The following CSNK1G3 variants were observed in gnomAD, a reference collection of about 807,000 sequenced individuals.
CSNK1G3 encodes the protein casein kinase 1 gamma 3, also known as casein kinase I isoform gamma-3.
A neutral mutation model predicts 64.3 loss-of-function variants in CSNK1G3; 23 were observed. That is an observed-to-expected ratio of 0.36 (90% CI 0.26 to 0.51). CSNK1G3 has a LOEUF of 0.51. Ranked by LOEUF, CSNK1G3 falls within the 20% of genes least tolerant of loss-of-function variation. CSNK1G3 has a pLI of 0.96. For missense variants in CSNK1G3, 357 were observed against 510.5 expected (o/e 0.70, Z 2.90); for synonymous variants, 158 against 162.2 (o/e 0.97, Z 0.20).
At position 123,594,439 on chromosome 5, in the gene CSNK1G3, GA is replaced by G. The variant is rs569391587; in HGVS notation, c.1086+3033del. ...TTCATATATGTAGGATTATCACTTAGAAAAAAAATTGTTTTGTCATATTCTC... is the reference window on the plus strand; with the variant it reads ...TTCATATATGTAGGATTATCACTTAGAAAAAAATTGTTTTGTCATATTCTC... On this transcript the variant is annotated intron_variant, in intron 10 of 12. Coordinates refer to ENST00000345990, the Ensembl canonical transcript of CSNK1G3. Among the ~76,000 whole-genome samples the G allele has an allele frequency of 5.6e-3, 846 of 152,036 alleles. 8 individuals are homozygous for G. Among genetic ancestry groups the G allele is most frequent in the African/African-American group, 0.02 (815 of 41,518 alleles).
rs192496522 is a variant in CSNK1G3, at chr5:123,606,755, T to C, written c.1217+1393T>C. On this transcript the variant is annotated intron_variant, in intron 12 of 12. Coordinates refer to ENST00000345990, the Ensembl canonical transcript of CSNK1G3. ...AACTGGCTGTTCTGTGTTTACATCC[T>C]CCTGGAGACTTGCTTTTAATAAAAT... 2.6e-5 allele frequency among the ~76,000 whole-genome samples: 4 copies of C among 152,272 alleles called. No individual in the cohort carries two copies. In the East Asian group the frequency reaches 7.7e-4, roughly 29 times the overall value.
chr5:123,533,118 T>G (rs552215074), intron 1 of CSNK1G3, among the ~76,000 whole-genome samples: 1 of 152,086 alleles, frequency 6.6e-6, no homozygotes, highest in South Asian at 2.1e-4. Context: ...CATTGACACT[T>G]TAAATAATGT....
chr5:123,594,717 T>C (rs761419588), intron 10 of CSNK1G3, among the ~76,000 whole-genome samples: 3 of 152,182 alleles, frequency 2.0e-5, no homozygotes, highest in Non-Finnish European at 4.4e-5. Context: ...AGTTCTTTCT[T>C]GGTCATGGCA....
At chr5:123,578,283 A>G (rs1295759498) in intron 6 of CSNK1G3, among the ~76,000 whole-genome samples, 2 of 151,794 alleles carry the variant, frequency 1.3e-5, no homozygotes, top group African/African-American at 2.4e-5. Context: ...TCCATCAGTA[A>G]TGAATGAGAA....
exon 1 of CSNK1G3, chr5:123,512,268 A>T (rs1355913528): frequency 6.6e-6 from 1 of 152,444 alleles, no homozygotes; most frequent in African/African-American, 2.4e-5. Context: ...CTGTGCATTC[A>T]TTCCGGGCTG....
rs112781913 is a variant in CSNK1G3, at chr5:123,535,288, C to T, written c.-247-10129C>T. 8.1e-3 allele frequency among the ~76,000 whole-genome samples: 1,240 copies of T among 152,178 alleles called. 7 individuals carry two copies. The highest frequency in any genetic ancestry group is 0.068 in the Middle Eastern group (20 of 294). ...ATTTATGAAGACTAAACTTGGATTT[C>T]TTATCATTGTCGCATGTTATAAAAT... On this transcript the variant is annotated intron_variant, in intron 1 of 12. Transcript: ENST00000345990.
chr5:123,531,984 A>C (rs1057275829), intron 1 of CSNK1G3, among the ~76,000 whole-genome samples: 13 of 151,830 alleles, frequency 8.6e-5, no homozygotes, highest in Non-Finnish European at 7.4e-5. Context: ...GTAATTTTTG[A>C]ATCTAAAGCT....
At chr5:123,531,966 C>T (rs1042785761) in intron 1 of CSNK1G3, among the ~76,000 whole-genome samples, 20 of 151,768 alleles carry the variant, frequency 1.3e-4, no homozygotes, top group African/African-American at 4.3e-4. Flanking sequence ...TTTTTCCATT[C>T]TCTTCCTGTA....
At chr5:123,563,038 T>A (rs1291221994) in intron 4 of CSNK1G3, among the ~76,000 whole-genome samples, 1 of 151,976 alleles carries the variant, frequency 6.6e-6, no homozygotes, top group Non-Finnish European at 1.5e-5. Context: ...TTGACATGAG[T>A]TTAAATAGGC....
intron 1 of CSNK1G3, among the ~76,000 whole-genome samples, chr5:123,519,322 G>A (rs1410363656): frequency 6.6e-6 from 1 of 152,132 alleles, no homozygotes; most frequent in African/African-American, 2.4e-5. Flanking sequence ...CCAAAGTGCT[G>A]GATTACAGGC....
chr5:123,568,418 C>T (rs891854042), intron 4 of CSNK1G3, among the ~76,000 whole-genome samples: 6 of 152,172 alleles, frequency 3.9e-5, no homozygotes, highest in Middle Eastern at 3.4e-3. Context: ...CATCACAATC[C>T]GATTGAGAAA....
chr5:123,560,122 T>A (rs1309157716), intron 4 of CSNK1G3, among the ~76,000 whole-genome samples: 2 of 151,948 alleles, frequency 1.3e-5, no homozygotes, highest in Non-Finnish European at 2.9e-5. Flanking sequence ...CATAAAAAAA[T>A]GCTCAACACC....
chr5:123,581,135 T>C (rs1561565836), intron 6 of CSNK1G3, among the ~76,000 whole-genome samples: 1 of 151,782 alleles, frequency 6.6e-6, no homozygotes, highest in Non-Finnish European at 1.5e-5. Flanking sequence ...ATAATTATAT[T>C]TTAACAGTTT....
At chr5:123,559,287 T>G (rs778828992) in intron 4 of CSNK1G3, among the ~76,000 whole-genome samples, 2 of 152,034 alleles carry the variant, frequency 1.3e-5, no homozygotes, top group Non-Finnish European at 2.9e-5. Context: ...AGTACAGTAA[T>G]AAAACTGTCA....
chr5:123,589,758 G>T (rs1465403628), intron 8 of CSNK1G3, among the ~76,000 whole-genome samples: 1 of 151,914 alleles, frequency 6.6e-6, no homozygotes, highest in African/African-American at 2.4e-5. Context: ...AATACATTTT[G>T]GAATTATAAT....
chr5:123,545,750 T>C (rs1206761081), exon 2 of CSNK1G3: 4 of 1,613,620 alleles, frequency 2.5e-6, no homozygotes, highest in South Asian at 1.1e-5. Context: ...CTCGAGGAAC[T>C]GGGTCTTCAT....
At chr5:123,562,266 A>G (rs1785902634) in intron 4 of CSNK1G3, among the ~76,000 whole-genome samples, 1 of 151,990 alleles carries the variant, frequency 6.6e-6, no homozygotes, top group Non-Finnish European at 1.5e-5. Flanking sequence ...ATTTGATCTG[A>G]TATTTTGAAT....
intron 4 of CSNK1G3, among the ~76,000 whole-genome samples, chr5:123,570,692 A>C (rs1787918996): frequency 2.6e-5 from 4 of 152,092 alleles, no homozygotes; most frequent in South Asian, 2.1e-4. Context: ...AAACCTTTTT[A>C]TTTTTACATT....
At position 123,551,991 on chromosome 5, in the gene CSNK1G3, G is replaced by A. The variant is rs139002347; in HGVS notation, c.179-1116G>A. ...TTAGTACTCTACTTTGACTACAGATGCTGACCAATTGGAATTTTCTAGATT... is the reference window on the plus strand; with the variant it reads ...TTAGTACTCTACTTTGACTACAGATACTGACCAATTGGAATTTTCTAGATT... On this transcript the variant is annotated intron_variant, in intron 2 of 12. Coordinates refer to ENST00000345990, the Ensembl canonical transcript of CSNK1G3. Among the ~76,000 whole-genome samples the A allele has an allele frequency of 6.6e-3, 1,008 of 152,176 alleles. 14 individuals are homozygous for A. The highest frequency in any genetic ancestry group is 0.024 in the South Asian group (114 of 4,816).
Sources: gnomAD v4.1 joint callset for allele counts (sites outside exome capture counted in the v4.1 genomes callset) on GRCh38, gnomAD v4.1.1 for gene constraint, MANE v1.5 for transcripts, NCBI Gene and HGNC (gene_info 2026-07-23, HGNC 2026-07-21) for gene names.